The following FLT3 variants were observed in gnomAD, a reference collection of about 807,000 sequenced individuals.
The protein encoded by FLT3 is fms related receptor tyrosine kinase 3.
Under a neutral mutation model 126.6 loss-of-function variants are expected in FLT3, and 46 were observed. The observed-to-expected ratio is 0.36, with a 90% CI of 0.29 to 0.46. FLT3 has a LOEUF of 0.46. Among genes scored for constraint, FLT3 ranks in the 20% least tolerant of loss-of-function variants. The pLI is 1.00. For synonymous variants in FLT3, 404 were observed against 434.4 expected (o/e 0.93, Z 0.87); for missense variants, 1,069 against 1,190.3 (o/e 0.90, Z 1.50).
chr13:28,015,838 C>A, intron 20 of FLT3, 137 bp from the exon 21 acceptor site: 1 of 620,086 alleles, frequency 1.6e-6, no homozygotes, highest in East Asian at 2.8e-5. Context: ...ACATTCCTCA[C>A]GTGAAAGGTT....
intron 19 of FLT3, among the ~76,000 whole-genome samples, chr13:28,021,497 G>C (rs1450724998): frequency 1.3e-5 from 2 of 152,156 alleles, no homozygotes; most frequent in Admixed American, 1.3e-4. Flanking sequence ...CAAACAGCAG[G>C]TGGGGAAAAT....
chr13:28,092,120 T>C (rs767513439), intron 1 of FLT3, among the ~76,000 whole-genome samples: 1 of 152,048 alleles, frequency 6.6e-6, no homozygotes, highest in Non-Finnish European at 1.5e-5. Context: ...AAGTTCCTAA[T>C]TCATACCTTC....
At position 28,099,625 on chromosome 13, in the gene FLT3, C is replaced by T. The variant is rs552192535; in HGVS notation, c.43+843G>A. 5.9e-5 allele frequency among the ~76,000 whole-genome samples: 9 copies of T among 152,240 alleles called. No individual in the cohort carries two copies. The East Asian group carries it at 1.5e-3, about 26-fold the overall frequency. On this transcript the variant is annotated intron_variant, in intron 1 of 23. Transcript: ENST00000241453. ...AAGGTTGCAGACCTAGGACAGGGAC[C>T]GGAGCTGCCGGGCACCCAGAACTCT...
Position 28,023,338 on chromosome 13 carries a change from A to G in FLT3, c.2418+12T>C. On this transcript the variant is annotated intron_variant, in intron 19 of 23. Coordinates refer to ENST00000241453, the MANE Select transcript of FLT3 (RefSeq NM_004119.3). ...TTTTTTTTGGTTTGTTTTTTCTTTA[A>G]AAGGAGCATACCGACTTAAATTCCA... 6.3e-7 allele frequency: 1 copy of G among 1,594,828 alleles called. No homozygotes were observed. The highest frequency in any genetic ancestry group is 8.5e-7 in the Non-Finnish European group (1 of 1,174,842).
rs190495761 is a variant in FLT3 at position 28,039,916 on chromosome 13, C to T, written c.1206-2628G>A. Among the ~76,000 whole-genome samples, 604 of 152,144 alleles carry T rather than the reference C, an allele frequency of 4.0e-3. 5 individuals carry two copies. The highest frequency in any genetic ancestry group is 6.4e-3 in the Admixed American group (98 of 15,274). On this transcript the variant is annotated intron_variant, in intron 9 of 23. Transcript: ENST00000241453. ...CTATGTTGCCCAGGCTGGTCTCAAA[C>T]TCCTGCCCTCAAGCCATCCTCCCCA...
At chr13:28,043,489 G>A (rs1290460851) in intron 9 of FLT3, among the ~76,000 whole-genome samples, 1 of 152,176 alleles carries the variant, frequency 6.6e-6, no homozygotes, top group East Asian at 1.9e-4. Context: ...CAGGGGTAGT[G>A]TTATTACAGG....
rs60708568 is a variant in FLT3 at position 28,053,308 on chromosome 13, CTT to C, written c.485-636_485-635del. On this transcript the variant is annotated intron_variant, in intron 4 of 23. Transcript: ENST00000241453. ...GCAGGTCATTCTAATTTCTGACAAA[CTT>C]TTTTTTTTTTAAAGAAAGTTTCCCT... 3.5e-5 allele frequency among the ~76,000 whole-genome samples: 5 copies of C among 143,974 alleles called. No homozygotes were observed. The East Asian group carries it at 1.0e-3, about 29-fold the overall frequency. The allele number at this position is 143,974 out of a possible 152,430, so 94.5% of individuals were successfully genotyped here. A position where few individuals can be genotyped will look rare whatever the true frequency, so the allele number is the denominator to read the frequency against.
chr13:28,080,172 T>C (rs956325310), intron 1 of FLT3, among the ~76,000 whole-genome samples: 6 of 152,176 alleles, frequency 3.9e-5, no homozygotes, highest in Admixed American at 3.9e-4. Flanking sequence ...GGTCAGGAGT[T>C]CGAGACCAGC....
At chr13:28,012,366 C>T (rs1035828929) in intron 23 of FLT3, among the ~76,000 whole-genome samples, 1 of 152,106 alleles carries the variant, frequency 6.6e-6, no homozygotes, top group Non-Finnish European at 1.5e-5. Context: ...AAGCTCAAAC[C>T]AAGACCCAAG....
At chr13:28,099,148 A>T (rs1321238519) in intron 1 of FLT3, among the ~76,000 whole-genome samples, 1 of 152,232 alleles carries the variant, frequency 6.6e-6, no homozygotes, top group Admixed American at 6.5e-5. Flanking sequence ...TCTTTCCTAA[A>T]TAGAAAAGAA....
intron 1 of FLT3, among the ~76,000 whole-genome samples, chr13:28,073,951 A>AAG (rs1555261366): frequency 4.7e-5 from 7 of 150,068 alleles, no homozygotes; most frequent in Non-Finnish European, 5.9e-5. Flanking sequence ...AAAAAAAAAA[A>AAG]AAAAAGAAAA....
intron 2 of FLT3, among the ~76,000 whole-genome samples, chr13:28,069,684 C>G (rs972046637): frequency 6.6e-6 from 1 of 152,156 alleles, no homozygotes; most frequent in South Asian, 2.1e-4. Context: ...CTGTACTGAA[C>G]ATGTACCGAC....
In FLT3 at chr13:28,049,406, T is replaced by C. The variant is rs199500977; in HGVS notation, c.1014A>G (p.Gln338=). 4 of 1,613,872 alleles carry C rather than the reference T, an allele frequency of 2.5e-6. No homozygotes were observed. Among genetic ancestry groups the C allele is most frequent in the South Asian group, 2.2e-5 (2 of 90,952 alleles). Residue 338 remains glutamine (Q), a synonymous_variant, in exon 8 of 24, where the codon CAA becomes CAG. Coordinates refer to ENST00000241453, the MANE Select transcript of FLT3 (RefSeq NM_004119.3). ...TACCTACGATGGTAACCAAAGCTGATTGACTGGGATGCTTTGAAGAGGAAC... is the reference window on the plus strand; with the variant it reads ...TACCTACGATGGTAACCAAAGCTGACTGACTGGGATGCTTTGAAGAGGAAC... ...YTCSSSKHPS[Q]SALVTIVEKG...
intron 1 of FLT3, among the ~76,000 whole-genome samples, chr13:28,084,023 TTTTTC>T (rs1400580546): frequency 6.6e-6 from 1 of 152,116 alleles, no homozygotes; most frequent in Non-Finnish European, 1.5e-5. Context: ...TTGCTTACTT[TTTTTC>T]TTTTTTTTAA....
At chr13:28,019,914 C>A (rs895801478) in intron 19 of FLT3, among the ~76,000 whole-genome samples, 1 of 152,152 alleles carries the variant, frequency 6.6e-6, no homozygotes, top group Admixed American at 6.5e-5. Flanking sequence ...TCCTCACAAC[C>A]CACACCCTCA....
At chr13:28,059,781 G>A (rs2137762337) in intron 3 of FLT3, among the ~76,000 whole-genome samples, 1 of 151,694 alleles carries the variant, frequency 6.6e-6, no homozygotes, top group Non-Finnish European at 1.5e-5. Flanking sequence ...CCAACATGGT[G>A]AAACCCCACC....
At chr13:28,091,098 T>C (rs1037550846) in intron 1 of FLT3, among the ~76,000 whole-genome samples, 4 of 151,922 alleles carry the variant, frequency 2.6e-5, no homozygotes, top group African/African-American at 9.7e-5. Flanking sequence ...CAAGCTCTCT[T>C]CTGTGAGGCA....
chr13:28,082,804 C>T lies in FLT3; in HGVS notation c.44-12192G>A, dbSNP rs1012770133. On this transcript the variant is annotated intron_variant, in intron 1 of 23. Coordinates refer to ENST00000241453, the MANE Select transcript of FLT3 (RefSeq NM_004119.3). ...CTGCAAGCTTTGCCTCCTGGGTTCACGCCAGTCTCCTGCCTCAGCCTCCCG... is the reference window on the plus strand; with the variant it reads ...CTGCAAGCTTTGCCTCCTGGGTTCATGCCAGTCTCCTGCCTCAGCCTCCCG... 3.3e-5 allele frequency among the ~76,000 whole-genome samples: 5 copies of T among 151,998 alleles called. 1 individual carries two copies. In the South Asian group the frequency reaches 6.2e-4, roughly 19 times the overall value.
intron 1 of FLT3, among the ~76,000 whole-genome samples, chr13:28,097,352 C>T (rs962916353): frequency 1.3e-5 from 2 of 152,184 alleles, no homozygotes; most frequent in Admixed American, 6.5e-5. Flanking sequence ...TTTTTCTTAT[C>T]TGAAGTCTTC....
Sources: gnomAD v4.1 joint callset for allele counts (sites outside exome capture counted in the v4.1 genomes callset) on GRCh38, gnomAD v4.1.1 for gene constraint, MANE v1.5 for transcripts, NCBI Gene and HGNC (gene_info 2026-07-23, HGNC 2026-07-21) for gene names.